SYN3: variants seen among roughly 807,000 people sequenced by gnomAD.
SYN3 encodes synapsin-3.
SYN3 carries 35 observed loss-of-function variants against 65.8 expected under a neutral mutation model. The ratio of observed to expected loss-of-function variants is 0.53; its 90% CI spans 0.41 to 0.70. The LOEUF (loss-of-function observed/expected upper bound fraction) is 0.70, where lower values mean the gene tolerates loss of function less well. Ranked by LOEUF, SYN3 falls within the 30% of genes least tolerant of loss-of-function variation. The pLI, the probability that SYN3 is intolerant of heterozygous loss-of-function variation, is 0.00. For missense variants in SYN3, 680 were observed against 749.0 expected (o/e 0.91, Z 1.08); for synonymous variants, 270 against 292.9 (o/e 0.92, Z 0.80).
intron 2 of SYN3, among the ~76,000 whole-genome samples, chr22:32,984,161 C>CAAAAAAA (rs35678412): frequency 4.3e-5 from 4 of 92,998 alleles, no homozygotes; most frequent in African/African-American, 1.3e-4. Flanking sequence ...AAACTCCATC[C>CAAAAAAA]AAAAAAAAAA....
chr22:32,662,995 T>C (rs896219879), intron 6 of SYN3, among the ~76,000 whole-genome samples: 5 of 152,198 alleles, frequency 3.3e-5, no homozygotes, highest in Admixed American at 2.6e-4. Context: ...ATACTGAATA[T>C]GATGACACAG....
intron 4 of SYN3, among the ~76,000 whole-genome samples, chr22:32,925,127 C>T (rs2050435397): frequency 6.6e-6 from 1 of 152,046 alleles, no homozygotes; most frequent in Non-Finnish European, 1.5e-5. Flanking sequence ...AGTTGGTTTT[C>T]TTTCTGAGGG....
chr22:32,524,654 C>T (rs867523342), intron 12 of SYN3, among the ~76,000 whole-genome samples: 1 of 152,194 alleles, frequency 6.6e-6, no homozygotes. Context: ...CCTTTTAATA[C>T]ATATCACGTC....
intron 3 of SYN3, among the ~76,000 whole-genome samples, chr22:32,956,590 T>A (rs1167676264): frequency 6.6e-6 from 1 of 152,250 alleles, no homozygotes; most frequent in Admixed American, 6.5e-5. Flanking sequence ...AAGGCTCATC[T>A]ATATTGTAGC....
At chr22:32,520,425 CTG>C (rs1359266826) in intron 12 of SYN3, among the ~76,000 whole-genome samples, 2 of 152,100 alleles carry the variant, frequency 1.3e-5, no homozygotes, top group East Asian at 3.9e-4. Flanking sequence ...GTGTGAGCCA[CTG>C]TGCTTGGCCC....
intron 3 of SYN3, among the ~76,000 whole-genome samples, chr22:32,938,391 G>T (rs370667278): frequency 2.0e-5 from 3 of 151,842 alleles, no homozygotes; most frequent in African/African-American, 4.8e-5. Context: ...TTAGCCAGGC[G>T]TGGTGGCGGG....
At chr22:32,726,768 G>C (rs549096675) in intron 6 of SYN3, among the ~76,000 whole-genome samples, 13 of 152,272 alleles carry the variant, frequency 8.5e-5, no homozygotes, top group African/African-American at 3.1e-4. Context: ...GGAAAAACCT[G>C]AAGAAACTAT....
intron 7 of SYN3, among the ~76,000 whole-genome samples, chr22:32,578,530 A>G (rs74764381): frequency 0.038 from 5,740 of 152,290 alleles, 161 homozygotes; most frequent in Middle Eastern, 0.092. Flanking sequence ...GATTACAGGC[A>G]TGAGCCACTG....
intron 4 of SYN3, among the ~76,000 whole-genome samples, chr22:32,901,661 T>C (rs1481284669): frequency 1.3e-5 from 2 of 152,214 alleles, no homozygotes; most frequent in Non-Finnish European, 2.9e-5. Flanking sequence ...TTTTAGTTTC[T>C]TAATCCCCAG....
At chr22:32,713,848 G>T (rs991705242) in intron 6 of SYN3, among the ~76,000 whole-genome samples, 1 of 140,476 alleles carries the variant, frequency 7.1e-6, no homozygotes. Context: ...AAAAAAAAAA[G>T]AAAACAGATA....
intron 6 of SYN3, chr22:32,784,967 C>T (rs1450944127): frequency 6.6e-6 from 1 of 152,176 alleles, no homozygotes; most frequent in Non-Finnish European, 1.5e-5. Flanking sequence ...GCCTTCTCTC[C>T]CCTTCCTGCC....
At chr22:32,862,545 G>A (rs1381348677) in intron 6 of SYN3, 1 of 152,146 alleles carries the variant, frequency 6.6e-6, no homozygotes, top group African/African-American at 2.4e-5. Flanking sequence ...TGACAATCTG[G>A]ACTACCCCAA....
At chr22:33,025,163 C>T (rs1416123973) in intron 1 of SYN3, among the ~76,000 whole-genome samples, 2 of 151,980 alleles carry the variant, frequency 1.3e-5, no homozygotes, top group Non-Finnish European at 2.9e-5. Context: ...CATGGTGAAA[C>T]CTGGTCTCTA....
chr22:32,832,442 A>G (rs1478564019), intron 6 of SYN3, among the ~76,000 whole-genome samples: 1 of 152,202 alleles, frequency 6.6e-6, no homozygotes, highest in African/African-American at 2.4e-5. Flanking sequence ...TCAAACTCAC[A>G]TAGAAAATGA....
chr22:32,714,071 C>T, intron 6 of SYN3, among the ~76,000 whole-genome samples: 1 of 152,240 alleles, frequency 6.6e-6, no homozygotes, highest in East Asian at 1.9e-4. Flanking sequence ...GGTCTCCTTG[C>T]AAGGGGGAGC....
intron 6 of SYN3, among the ~76,000 whole-genome samples, chr22:32,807,639 G>T (rs116991429): frequency 2.7e-3 from 406 of 150,136 alleles, no homozygotes; most frequent in Non-Finnish European, 4.6e-3. Flanking sequence ...GAGGTAACTC[G>T]TTTAAGGTTA....
intron 6 of SYN3, among the ~76,000 whole-genome samples, chr22:32,695,054 A>C (rs894262238): frequency 2.0e-5 from 3 of 152,212 alleles, no homozygotes; most frequent in Non-Finnish European, 2.9e-5. Context: ...ATGGTATATT[A>C]AGACCACTTT....
At chr22:32,682,555 C>T (rs1384572658) in intron 6 of SYN3, among the ~76,000 whole-genome samples, 4 of 152,216 alleles carry the variant, frequency 2.6e-5, no homozygotes, top group African/African-American at 9.6e-5. Flanking sequence ...GTAGCATTTA[C>T]GGAGCACCCA....
At chr22:32,797,729 G>A (rs542103975) in intron 6 of SYN3, among the ~76,000 whole-genome samples, 4 of 152,238 alleles carry the variant, frequency 2.6e-5, no homozygotes, top group African/African-American at 7.2e-5. Context: ...TGTTCGTTGC[G>A]AAACTGATGG....
Sources: gnomAD v4.1 joint callset for allele counts (sites outside exome capture counted in the v4.1 genomes callset) on GRCh38, gnomAD v4.1.1 for gene constraint, MANE v1.5 for transcripts, NCBI Gene and HGNC (gene_info 2026-07-23, HGNC 2026-07-21) for gene names.